Variants in SLC39A11 observed in about 807,000 individuals in gnomAD.
SLC39A11 encodes the protein solute carrier family 39 member 11.
Under a neutral mutation model 36.1 loss-of-function variants are expected in SLC39A11, and 33 were observed. That is an observed-to-expected ratio of 0.91 (90% CI 0.69 to 1.22). The LOEUF is 1.22. Ranked by LOEUF, SLC39A11 falls within the 50% of genes most tolerant of loss-of-function variation. SLC39A11 has a pLI of 0.00. For synonymous variants in SLC39A11, 166 were observed against 170.3 expected, an observed-to-expected ratio of 0.97 and a Z score of 0.20; for missense variants, 432 against 430.3, an observed-to-expected ratio of 1.00 and a Z score of -0.03.
chr17:72,871,056 G>GTTTTTTTTTTTTTTTTTTTT, intron 5 of SLC39A11, among the ~76,000 whole-genome samples: 1 of 124,316 alleles, frequency 8.0e-6, no homozygotes, highest in Non-Finnish European at 1.7e-5. Context: ...TTTTGTTTTT[G>GTTTTTTTTTTTTTTTTTTTT]TTTTTTTTTT....
At position 72,947,740 on chromosome 17, in the gene SLC39A11, G is replaced by A; in HGVS notation, c.430+12C>T. 1 of 1,613,650 alleles carries A rather than the reference G, an allele frequency of 6.2e-7. No individual in the cohort carries two copies. The highest frequency in any genetic ancestry group is 1.1e-5 in the South Asian group (1 of 91,058). On this transcript the variant is annotated intron_variant, in intron 5 of 9. Coordinates refer to ENST00000255559, the MANE Select transcript of SLC39A11 (RefSeq NM_139177.4). The stretch of plus-strand genomic sequence containing the variant: ...GCAGCAAAGAGCTTGCCTGAAAGAA[G>A]CCCAGCTCTACCTATCCGGATGGAA...
At chr17:72,654,894 G>A (rs141056801) in intron 7 of SLC39A11, among the ~76,000 whole-genome samples, 28 of 152,300 alleles carry the variant, frequency 1.8e-4, no homozygotes, top group East Asian at 1.4e-3. Flanking sequence ...TACAGCCATC[G>A]CCCGGCGGGC....
At chr17:72,831,487 C>T (rs976906385) in intron 6 of SLC39A11, among the ~76,000 whole-genome samples, 1 of 152,158 alleles carries the variant, frequency 6.6e-6, no homozygotes, top group Admixed American at 6.5e-5. Flanking sequence ...TTATTTATCT[C>T]CTGGTGAAGC....
intron 7 of SLC39A11, among the ~76,000 whole-genome samples, chr17:72,730,585 C>T (rs1050652603): frequency 1.3e-5 from 2 of 152,206 alleles, no homozygotes; most frequent in African/African-American, 2.4e-5. Context: ...AGTGTTTATT[C>T]GTTCATGCAT....
intron 4 of SLC39A11, among the ~76,000 whole-genome samples, chr17:73,020,541 T>C (rs1381491085): frequency 6.6e-6 from 1 of 152,162 alleles, no homozygotes; most frequent in East Asian, 1.9e-4. Context: ...GACTTTTACA[T>C]GGAGCAGTAT....
chr17:72,930,521 T>C (rs2084321903), intron 5 of SLC39A11, among the ~76,000 whole-genome samples: 1 of 150,882 alleles, frequency 6.6e-6, no homozygotes, highest in Non-Finnish European at 1.5e-5. Flanking sequence ...GAACATAAGG[T>C]TCTGAGGAAA....
chr17:72,681,154 C>G (rs933376306), intron 7 of SLC39A11, among the ~76,000 whole-genome samples: 3 of 152,020 alleles, frequency 2.0e-5, no homozygotes, highest in Non-Finnish European at 4.4e-5. Context: ...CTTGAACTCC[C>G]GACCTCAGGT....
At chr17:72,953,044 C>G (rs930676682) in intron 4 of SLC39A11, among the ~76,000 whole-genome samples, 1 of 152,180 alleles carries the variant, frequency 6.6e-6, no homozygotes, top group Non-Finnish European at 1.5e-5. Flanking sequence ...TCTCCCGATC[C>G]TCTTTCCCTG....
chr17:72,659,745 G>A (rs2070326710), intron 7 of SLC39A11, among the ~76,000 whole-genome samples: 1 of 151,836 alleles, frequency 6.6e-6, no homozygotes, highest in African/African-American at 2.4e-5. Flanking sequence ...ACCATGCCTG[G>A]CTAATTTTTA....
rs188959826 is a variant in SLC39A11 at position 72,963,684 on chromosome 17, C to G, written c.307-15809G>C. Among the ~76,000 whole-genome samples, 6 of 152,294 alleles carry G rather than the reference C, an allele frequency of 3.9e-5. No homozygotes were observed. In the East Asian group the frequency reaches 1.2e-3, roughly 29 times the overall value. Reference sequence around the variant, plus strand: ...ACAAACTTACAATCAAAGCTCCAAACTCATAGGAGGAATCCCATTTCTTCT... The same window carrying G: ...ACAAACTTACAATCAAAGCTCCAAAGTCATAGGAGGAATCCCATTTCTTCT... On this transcript the variant is annotated intron_variant, in intron 4 of 9. Coordinates refer to ENST00000255559, the MANE Select transcript of SLC39A11 (RefSeq NM_139177.4).
chr17:72,835,169 T>C (rs146306837), intron 6 of SLC39A11, among the ~76,000 whole-genome samples: 175 of 152,374 alleles, frequency 1.1e-3, no homozygotes, highest in Middle Eastern at 3.4e-3. Flanking sequence ...GAGCCTGTGC[T>C]AATTATAATG....
At chr17:72,851,372 G>A (rs2079311426) in intron 5 of SLC39A11, among the ~76,000 whole-genome samples, 1 of 152,136 alleles carries the variant, frequency 6.6e-6, no homozygotes, top group African/African-American at 2.4e-5. Context: ...TCACAGCATG[G>A]GATGGATTTG....
intron 5 of SLC39A11, among the ~76,000 whole-genome samples, chr17:72,886,231 T>A (rs4969124): frequency 1.3e-5 from 2 of 152,000 alleles, no homozygotes; most frequent in Non-Finnish European, 2.9e-5. Context: ...TCTCAACCAA[T>A]CTCATGACTT....
rs1032034374 is a variant in SLC39A11 at position 72,893,640 on chromosome 17, A to AC, written c.431-43837_431-43836insG. 4.6e-4 allele frequency among the ~76,000 whole-genome samples: 70 copies of AC among 152,292 alleles called. 1 individual carries two copies. The highest frequency in any genetic ancestry group is 1.6e-3 in the African/African-American group (68 of 41,556). ...GCAGGCCAAATTTAGGGTTAAAAAA[A>AC]TGGGGGGTTAGGGAGGGCCTTAATT... On this transcript the variant is annotated intron_variant, in intron 5 of 9. Coordinates refer to ENST00000255559, the MANE Select transcript of SLC39A11 (RefSeq NM_139177.4).
chr17:72,944,745 T>C (rs572360685), intron 5 of SLC39A11, among the ~76,000 whole-genome samples: 4 of 152,254 alleles, frequency 2.6e-5, no homozygotes, highest in African/African-American at 9.6e-5. Flanking sequence ...ATTAACCCCA[T>C]GGGCATCCAG....
intron 9 of SLC39A11, among the ~76,000 whole-genome samples, chr17:72,648,289 C>G (rs1480997451): frequency 6.6e-6 from 1 of 150,482 alleles, no homozygotes; most frequent in Non-Finnish European, 1.5e-5. Flanking sequence ...GAGATCACAC[C>G]ACTGCACTCC....
chr17:72,863,956 C>A (rs114795090), intron 5 of SLC39A11, among the ~76,000 whole-genome samples: 4 of 152,140 alleles, frequency 2.6e-5, no homozygotes, highest in African/African-American at 7.2e-5. Flanking sequence ...CAGGGGAAAA[C>A]CCATAAAACA....
intron 5 of SLC39A11, among the ~76,000 whole-genome samples, chr17:72,854,292 TG>T (rs2079524837): frequency 7.9e-6 from 1 of 127,350 alleles, no homozygotes; most frequent in African/African-American, 3.0e-5. Context: ...TAGGGCCTCA[TG>T]GTTGACTGGG....
At chr17:73,011,607 T>C (rs544631798) in intron 4 of SLC39A11, among the ~76,000 whole-genome samples, 2 of 150,796 alleles carry the variant, frequency 1.3e-5, no homozygotes, top group African/African-American at 4.9e-5. Context: ...TACGACAGCA[T>C]AACAGGGTGA....
Sources: allele counts gnomAD v4.1 joint callset (sites outside exome capture counted in the v4.1 genomes callset), GRCh38; gene constraint gnomAD v4.1.1; transcripts MANE v1.5; gene names NCBI Gene and HGNC (gene_info 2026-07-23, HGNC 2026-07-21).